The following REV1 variants were observed in gnomAD, a reference collection of about 807,000 sequenced individuals.
REV1 encodes REV1 DNA directed polymerase.
A neutral mutation model predicts 137.4 loss-of-function variants in REV1; 42 were observed. The observed-to-expected ratio is 0.31, with a 90% confidence interval of 0.24 to 0.40. REV1 has a LOEUF of 0.40. Among genes scored for constraint, REV1 ranks in the 10% least tolerant of loss-of-function variants. The probability of loss-of-function intolerance (pLI) is 1.00; values close to 1 mark genes in which losing one functional copy is unlikely to be tolerated. For synonymous variants in REV1, 524 were observed against 519.2 expected, an observed-to-expected ratio of 1.01 and a Z score of -0.12; for missense variants, 1,282 against 1,490.1, an observed-to-expected ratio of 0.86 and a Z score of 2.30.
intron 11 of REV1, among the ~76,000 whole-genome samples, 162 bp downstream of exon 11, chr2:99,421,337 A>AT (rs1678648567): frequency 1.3e-5 from 2 of 152,194 alleles, no homozygotes. Flanking sequence ...CCATTTACTT[A>AT]TATTTCCAGC....
chr2:99,428,791 C>T (rs1292405443), intron 9 of REV1, among the ~76,000 whole-genome samples: 1 of 151,964 alleles, frequency 6.6e-6, no homozygotes, highest in Non-Finnish European at 1.5e-5. Context: ...GTCAGTTAGC[C>T]ATCCTGGCTA....
intron 12 of REV1, among the ~76,000 whole-genome samples, chr2:99,417,551 T>G (rs1678068439): frequency 6.6e-6 from 1 of 152,044 alleles, no homozygotes; most frequent in African/African-American, 2.4e-5. Context: ...CAAGAAGAGA[T>G]CAGGACGGAG....
chr2:99,418,878 G>C lies in REV1; in HGVS notation c.1901C>G (p.Pro634Arg), dbSNP rs1678253605. The C allele has an allele frequency of 6.2e-7, 1 of 1,611,984 alleles. No individual in the cohort carries two copies. The highest frequency in any genetic ancestry group is 1.1e-5 in the South Asian group (1 of 90,998). ...AKPDGQYHLK[P>R]EEVDDFIRGQ... is the part of the protein sequence containing the mutation. ...TCTGATAAAATCATCTACTTCTTCTGGTTTTAGGTGGTACTGCCCATCTGG... is the reference window on the plus strand; with the variant it reads ...TCTGATAAAATCATCTACTTCTTCTCGTTTTAGGTGGTACTGCCCATCTGG... Residue 634 changes from proline to arginine, a missense_variant, in exon 12 of 23, where the codon CCA becomes CGA. Around this residue, in one of 7 missense-constraint regions of REV1, gnomAD observed 372 missense variants for 482.3 expected, o/e 0.77. Coordinates refer to ENST00000258428, the MANE Select transcript of REV1 (RefSeq NM_016316.4).
chr2:99,460,690 A>G (rs1684084941), intron 3 of REV1, among the ~76,000 whole-genome samples: 1 of 151,946 alleles, frequency 6.6e-6, no homozygotes, highest in South Asian at 2.1e-4. Flanking sequence ...TTACAGCACC[A>G]CAGTTTGGAT....
At chr2:99,426,402 T>G (rs922197536) in intron 9 of REV1, among the ~76,000 whole-genome samples, 15 of 152,056 alleles carry the variant, frequency 9.9e-5, no homozygotes, top group African/African-American at 3.6e-4. Flanking sequence ...TTCTTATATT[T>G]ACAATATTTT....
rs1457655492 is a variant in REV1, at chr2:99,488,171, ACTT to A, written c.-11+1643_-11+1645del. On this transcript the variant is annotated intron_variant, in intron 1 of 22. Coordinates refer to ENST00000258428, the MANE Select transcript of REV1 (RefSeq NM_016316.4). ...ATATATATTATATGTAGTCACTGCA[ACTT>A]CTTATGAATAATGACCAGTTTGTTG... 1.7e-5 allele frequency among the ~76,000 whole-genome samples: 2 copies of A among 119,100 alleles called. 1 individual carries two copies. The highest frequency in any genetic ancestry group is 6.0e-5 in the African/African-American group (2 of 33,270). The allele number at this position is 119,100 out of a possible 152,430, so 78.1% of individuals were successfully genotyped here. A position where few individuals can be genotyped will look rare whatever the true frequency, so the allele number is the denominator to read the frequency against.
intron 3 of REV1, among the ~76,000 whole-genome samples, chr2:99,449,924 C>T (rs964516947): frequency 1.3e-5 from 2 of 152,076 alleles, no homozygotes; most frequent in African/African-American, 4.8e-5. Flanking sequence ...CCAGAGTATA[C>T]AAGAGGAGTC....
Position 99,401,254 on chromosome 2 carries a change from A to T in REV1, c.3743T>A (p.Leu1248Ter). Residue 1248 changes from leucine to a stop codon, truncating the protein, a stop_gained, in exon 23 of 23, where the codon TTA (leucine) becomes TAA (stop). Coordinates refer to ENST00000258428, the MANE Select transcript of REV1 (RefSeq NM_016316.4). LOFTEE classifies it high-confidence loss of function. Reference sequence around the variant, plus strand: ...CTCTGGTAATATTTATGTAACTTTTAATGTGCTTCCATAAGTTTGTTGTAA... The same window carrying T: ...CTCTGGTAATATTTATGTAACTTTTTATGTGCTTCCATAAGTTTGTTGTAA... ...VVLQQTYGST[L>*]KVT is the part of the protein sequence containing the mutation. 1 of 1,604,012 alleles carries T rather than the reference A, an allele frequency of 6.2e-7. No individual in the cohort carries two copies. The highest frequency in any genetic ancestry group is 8.5e-7 in the Non-Finnish European group (1 of 1,170,874).
At chr2:99,405,614 G>T (rs181500251) in intron 17 of REV1, 24 of 238,962 alleles carry the variant, frequency 1.0e-4, no homozygotes, top group African/African-American at 5.2e-4. Context: ...GCTGAATACA[G>T]TAAGTCTGCA....
At chr2:99,443,955 A>G (rs1019457952) in intron 4 of REV1, among the ~76,000 whole-genome samples, 3 of 151,866 alleles carry the variant, frequency 2.0e-5, no homozygotes, top group African/African-American at 7.3e-5. Flanking sequence ...AGTAGCTGGG[A>G]CTACAGGCGC....
chr2:99,408,299 A>C, intron 14 of REV1, 168 bp from the exon 15 acceptor site: 1 of 395,640 alleles, frequency 2.5e-6, no homozygotes, highest in Admixed American at 4.5e-5. Context: ...GAAATACCAA[A>C]TTAGTTACAC....
intron 9 of REV1, among the ~76,000 whole-genome samples, chr2:99,426,856 A>G (rs1679446179): frequency 6.6e-6 from 1 of 152,198 alleles, no homozygotes. Flanking sequence ...TGCTTTGTTC[A>G]GACAGTTGTA....
intron 3 of REV1, among the ~76,000 whole-genome samples, chr2:99,456,603 T>G (rs776508370): frequency 6.6e-6 from 1 of 152,168 alleles, no homozygotes; most frequent in Non-Finnish European, 1.5e-5. Context: ...TTACTATACA[T>G]AAAACAGGCT....
At chr2:99,474,257 AG>A (rs1685728246) in intron 1 of REV1, among the ~76,000 whole-genome samples, 1 of 152,312 alleles carries the variant, frequency 6.6e-6, no homozygotes, top group South Asian at 2.1e-4. Context: ...AGAGTGAGTC[AG>A]CCAAGTCCTA....
chr2:99,433,225 A>C (rs1412679304), intron 8 of REV1, among the ~76,000 whole-genome samples: 3 of 152,162 alleles, frequency 2.0e-5, no homozygotes, highest in Non-Finnish European at 2.9e-5. Flanking sequence ...ATACCTAAGA[A>C]ACTACCTATA....
At chr2:99,487,266 C>G (rs1687252985) in intron 1 of REV1, among the ~76,000 whole-genome samples, 1 of 49,776 alleles carries the variant, frequency 2.0e-5, no homozygotes. Context: ...GCCCTGATGG[C>G]GACTAAGATT....
intron 1 of REV1, among the ~76,000 whole-genome samples, chr2:99,472,780 A>G (rs1219088102): frequency 6.6e-6 from 1 of 152,252 alleles, no homozygotes; most frequent in African/African-American, 2.4e-5. Context: ...CTAAGTACAT[A>G]AAGTGCTAGC....
chr2:99,441,447 T>C (rs2104850920), intron 5 of REV1, among the ~76,000 whole-genome samples: 1 of 152,086 alleles, frequency 6.6e-6, no homozygotes, highest in Admixed American at 6.5e-5. Flanking sequence ...TTATCCAGGG[T>C]TGCAATTAAA....
intron 12 of REV1, among the ~76,000 whole-genome samples, chr2:99,415,212 G>A (rs984084070): frequency 5.3e-5 from 8 of 152,164 alleles, no homozygotes; most frequent in Non-Finnish European, 8.8e-5. Flanking sequence ...TGTTTATAAG[G>A]GAAAGATGGC....
Sources: gnomAD v4.1 joint callset for allele counts (sites outside exome capture counted in the v4.1 genomes callset) on GRCh38, gnomAD v4.1.1 for gene constraint, gnomAD v4.1.1 regional missense constraint, MANE v1.5 for transcripts, NCBI Gene and HGNC (gene_info 2026-07-23, HGNC 2026-07-21) for gene names.